Variants in LYN observed in about 807,000 individuals in gnomAD.
The protein encoded by LYN is LYN proto-oncogene, Src family tyrosine kinase, also known as tyrosine-protein kinase Lyn.
LYN carries 12 observed loss-of-function variants against 65.0 expected under a neutral mutation model. The ratio of observed to expected loss-of-function variants is 0.18; its 90% CI spans 0.12 to 0.30. LYN has a LOEUF of 0.30. Ranked by LOEUF, LYN falls within the 10% of genes least tolerant of loss-of-function variation. LYN has a pLI of 1.00. For synonymous variants in LYN, 222 were observed against 221.2 expected, an observed-to-expected ratio of 1.00 and a Z score of -0.03; for missense variants, 380 against 623.2, an observed-to-expected ratio of 0.61 and a Z score of 4.16.
chr8:55,993,743 A>G (rs991678502), intron 10 of LYN, among the ~76,000 whole-genome samples: 1 of 152,212 alleles, frequency 6.6e-6, no homozygotes, highest in Non-Finnish European at 1.5e-5. Flanking sequence ...GGTTATTAAT[A>G]TCCATCTACC....
intron 10 of LYN, among the ~76,000 whole-genome samples, chr8:55,992,653 T>C (rs1034392171): frequency 2.0e-5 from 3 of 152,348 alleles, no homozygotes; most frequent in Non-Finnish European, 2.9e-5. Flanking sequence ...TAAGATTTTG[T>C]TGCAATCCTA....
At chr8:55,932,959 C>T (rs1163704687) in intron 1 of LYN, among the ~76,000 whole-genome samples, 1 of 152,090 alleles carries the variant, frequency 6.6e-6, no homozygotes, top group Admixed American at 6.5e-5. Flanking sequence ...CGGGAGACTA[C>T]TAAAGTGGGG....
At chr8:55,944,224 TTTAA>T (rs1339058495) in intron 2 of LYN, among the ~76,000 whole-genome samples, 3 of 152,262 alleles carry the variant, frequency 2.0e-5, no homozygotes, top group South Asian at 4.1e-4. Flanking sequence ...TATTAATAGA[TTTAA>T]TTGTGTGATT....
rs796900279 is a variant in LYN, at chr8:55,954,868, AAAT to A, written c.790+887_790+889del. Among the ~76,000 whole-genome samples, 1,300 of 136,240 alleles carry A rather than the reference AAAT, an allele frequency of 9.5e-3. 19 individuals carry two copies. Among genetic ancestry groups the A allele is most frequent in the African/African-American group, 0.034 (1,237 of 36,616 alleles). 89.4% of individuals were successfully genotyped at this position (136,240 alleles called of 152,430 possible). ...TAAATAAATAAATAAATAAATAAAT[AAAT>A]AAAAGTTTTCATAGTGAATGTGAAC... On this transcript the variant is annotated intron_variant, in intron 8 of 12. Coordinates refer to ENST00000519728, the MANE Select transcript of LYN (RefSeq NM_002350.4).
At chr8:55,977,040 C>G (rs1281989187) in intron 10 of LYN, among the ~76,000 whole-genome samples, 1 of 152,028 alleles carries the variant, frequency 6.6e-6, no homozygotes, top group African/African-American at 2.4e-5. Context: ...CAAAAGTTAG[C>G]CGGGCATGGT....
intron 10 of LYN, among the ~76,000 whole-genome samples, chr8:55,974,402 C>T (rs1807695552): frequency 6.6e-6 from 1 of 152,184 alleles, no homozygotes; most frequent in Non-Finnish European, 1.5e-5. Context: ...TTTAAAGCCA[C>T]ATTTTAAGGT....
chr8:55,913,591 A>G (rs529638813), intron 1 of LYN, among the ~76,000 whole-genome samples: 2 of 152,334 alleles, frequency 1.3e-5, no homozygotes, highest in African/African-American at 4.8e-5. Flanking sequence ...AAATTATTTT[A>G]TTAATGAAAT....
At chr8:55,922,030 T>A (rs941745387) in intron 1 of LYN, among the ~76,000 whole-genome samples, 6 of 152,142 alleles carry the variant, frequency 3.9e-5, no homozygotes, top group Admixed American at 2.6e-4. Flanking sequence ...CCGTGGGTGC[T>A]GTAGGGAAGC....
chr8:55,925,774 A>G (rs1411295763), intron 1 of LYN, among the ~76,000 whole-genome samples: 2 of 152,292 alleles, frequency 1.3e-5, no homozygotes, highest in South Asian at 2.1e-4. Context: ...TGGTATAAAT[A>G]AGTGTCTTGC....
At chr8:55,934,305 C>G (rs16922428) in intron 1 of LYN, among the ~76,000 whole-genome samples, 2,116 of 152,268 alleles carry the variant, frequency 0.014, 34 homozygotes, top group African/African-American at 0.04. Context: ...TTAAGTTTGC[C>G]AACAGGGTTT....
chr8:55,973,936 A>T (rs919117212), intron 10 of LYN, among the ~76,000 whole-genome samples: 2 of 152,244 alleles, frequency 1.3e-5, no homozygotes, highest in Non-Finnish European at 2.9e-5. Context: ...ACAAAGCAAA[A>T]CAAAAAACTT....
intron 1 of LYN, among the ~76,000 whole-genome samples, chr8:55,891,402 T>C (rs1204172823): frequency 2.7e-5 from 4 of 149,670 alleles, no homozygotes; most frequent in Non-Finnish European, 5.9e-5. Flanking sequence ...AGGACAAAAC[T>C]TGAGGACATC....
chr8:55,987,933 A>T (rs1223901604), intron 10 of LYN, among the ~76,000 whole-genome samples: 1 of 152,278 alleles, frequency 6.6e-6, no homozygotes, highest in Non-Finnish European at 1.5e-5. Flanking sequence ...CTGGGCAAGT[A>T]GTAGCTAATA....
At chr8:55,967,959 G>A (rs1319829331) in intron 9 of LYN, among the ~76,000 whole-genome samples, 8 of 152,228 alleles carry the variant, frequency 5.3e-5, no homozygotes, top group Non-Finnish European at 1.2e-4. Flanking sequence ...GGAGATGATA[G>A]TATGATGTCA....
chr8:55,895,229 A>G (rs1030669452), intron 1 of LYN, among the ~76,000 whole-genome samples: 1 of 152,102 alleles, frequency 6.6e-6, no homozygotes, highest in East Asian at 1.9e-4. Flanking sequence ...GATTTGAACA[A>G]AGAGTGAATC....
intron 8 of LYN, among the ~76,000 whole-genome samples, chr8:55,958,131 C>T (rs752059437): frequency 2.1e-4 from 32 of 152,194 alleles, no homozygotes; most frequent in Non-Finnish European, 3.8e-4. Context: ...CCTGTTCTGT[C>T]GTAAGGTGTA....
intron 1 of LYN, among the ~76,000 whole-genome samples, chr8:55,929,670 C>T (rs903299007): frequency 6.6e-6 from 1 of 152,100 alleles, no homozygotes; most frequent in African/African-American, 2.4e-5. Flanking sequence ...AGCTGGGAGG[C>T]CTGGAGAGGT....
At chr8:55,968,616 A>G (rs1807525160) in intron 9 of LYN, among the ~76,000 whole-genome samples, 1 of 152,162 alleles carries the variant, frequency 6.6e-6, no homozygotes, top group South Asian at 2.1e-4. Context: ...GGTGCTTTCC[A>G]TGGGTGATCT....
At chr8:55,884,600 C>A (rs369526470) in intron 1 of LYN, among the ~76,000 whole-genome samples, 1 of 151,924 alleles carries the variant, frequency 6.6e-6, no homozygotes, top group Non-Finnish European at 1.5e-5. Context: ...TGATTACAGG[C>A]GCCCGCCACC....
Sources: gnomAD v4.1 joint callset for allele counts (sites outside exome capture counted in the v4.1 genomes callset) on GRCh38, gnomAD v4.1.1 for gene constraint, MANE v1.5 for transcripts, NCBI Gene and HGNC (gene_info 2026-07-23, HGNC 2026-07-21) for gene names.